AGK: variants seen among roughly 807,000 people sequenced by gnomAD.
AGK encodes acylglycerol kinase, mitochondrial.
Under a neutral mutation model 66.4 loss-of-function variants are expected in AGK, and 52 were observed. That is an observed-to-expected ratio of 0.78 (90% CI 0.63 to 0.99). The LOEUF (loss-of-function observed/expected upper bound fraction) is 0.99. AGK is among the 50% of genes least tolerant of loss of function. The pLI, the probability that AGK is intolerant of heterozygous loss-of-function variation, is 0.00. For missense variants in AGK, 451 were observed against 506.6 expected, an observed-to-expected ratio of 0.89 and a Z score of 1.05; for synonymous variants, 182 against 181.1, an observed-to-expected ratio of 1.00 and a Z score of -0.04.
chr7:141,629,274 C>G (rs1214200284), intron 9 of AGK, among the ~76,000 whole-genome samples: 1 of 152,128 alleles, frequency 6.6e-6, no homozygotes, highest in Non-Finnish European at 1.5e-5. Flanking sequence ...CCATTATTTT[C>G]TTCCACAAAC....
intron 13 of AGK, among the ~76,000 whole-genome samples, chr7:141,642,883 T>C (rs1005434766): frequency 6.6e-6 from 1 of 152,166 alleles, no homozygotes; most frequent in African/African-American, 2.4e-5. Flanking sequence ...ATGTTTATTA[T>C]CTGGTCACTT....
At chr7:141,579,973 C>T (rs530095433) in intron 2 of AGK, among the ~76,000 whole-genome samples, 2 of 151,936 alleles carry the variant, frequency 1.3e-5, no homozygotes, top group Non-Finnish European at 2.9e-5. Context: ...ACCTTATCAG[C>T]ATAAGTGTTG....
At chr7:141,568,071 T>C (rs1029351021) in intron 2 of AGK, among the ~76,000 whole-genome samples, 2 of 152,176 alleles carry the variant, frequency 1.3e-5, no homozygotes, top group African/African-American at 4.8e-5. Flanking sequence ...CTCAGCCCTG[T>C]GGAAGTTAAA....
intron 2 of AGK, among the ~76,000 whole-genome samples, chr7:141,586,507 G>GTGTGTGC (rs1795997715): frequency 6.6e-6 from 1 of 152,178 alleles, no homozygotes; most frequent in African/African-American, 2.4e-5. Context: ...CTATCTACGA[G>GTGTGTGC]TGTGTGCTGT....
chr7:141,633,992 C>T lies in AGK; in HGVS notation c.668+12C>T. ...GTCAAAGTTAGCAAGTAAAGGATTACTATATTGATGTGTGATGTTTTTTAA... is the reference window on the plus strand; with the variant it reads ...GTCAAAGTTAGCAAGTAAAGGATTATTATATTGATGTGTGATGTTTTTTAA... On this transcript the variant is annotated intron_variant, in intron 10 of 15. Coordinates refer to ENST00000649286, the MANE Select transcript of AGK (RefSeq NM_018238.4). 5 of 1,604,314 alleles carry T rather than the reference C, an allele frequency of 3.1e-6. No homozygotes were observed. Among genetic ancestry groups the T allele is most frequent in the Non-Finnish European group, 4.3e-6 (5 of 1,171,152 alleles).
At chr7:141,613,259 A>C (rs1335850809) in intron 6 of AGK, among the ~76,000 whole-genome samples, 1 of 152,172 alleles carries the variant, frequency 6.6e-6, no homozygotes, top group East Asian at 1.9e-4. Flanking sequence ...CAGTCATATA[A>C]AAATATGCAC....
At chr7:141,591,083 T>G (rs13222480) in intron 2 of AGK, among the ~76,000 whole-genome samples, 1 of 3,644 alleles carries the variant, frequency 2.7e-4, no homozygotes, top group Middle Eastern at 0.25. Context: ...TCTTAAGTTG[T>G]TTTTTTTTTT....
intron 14 of AGK, among the ~76,000 whole-genome samples, chr7:141,651,046 C>T (rs1188559555): frequency 6.6e-6 from 1 of 152,140 alleles, no homozygotes; most frequent in Non-Finnish European, 1.5e-5. Flanking sequence ...GAGTGGGACC[C>T]ACAGATAGGA....
rs1797280289 is a variant in AGK at position 141,641,250 on chromosome 7, G to A, written c.729G>A (p.Glu243=). The A allele has an allele frequency of 2.5e-6, 4 of 1,599,840 alleles. No homozygotes were observed. The East Asian group carries it at 8.9e-5, about 36-fold the overall frequency. ...TTTTTCTCTCTCCACATTAAAAGGA[G>A]TGGCCTCAGACTCATCAAGCCTCTA... ...KAAHFFSTLK[E]WPQTHQASIS... is the part of the protein sequence containing the mutation. Residue 243 remains glutamate (E), a splice_region_variant and synonymous_variant, in exon 12 of 16, where the codon GAG becomes GAA. Transcript: ENST00000649286.
In AGK at chr7:141,607,211, G is replaced by A. The variant is rs545888051; in HGVS notation, c.298-3984G>A. On this transcript the variant is annotated intron_variant, in intron 5 of 15. Transcript: ENST00000649286. Reference sequence around the variant, plus strand: ...TTGCTGGATAATATGATAAGACTATGTTTGGTTTTATCGGAAACTGCCGTT... The same window carrying A: ...TTGCTGGATAATATGATAAGACTATATTTGGTTTTATCGGAAACTGCCGTT... 3.3e-5 allele frequency among the ~76,000 whole-genome samples: 5 copies of A among 152,148 alleles called. No individual in the cohort carries two copies. In the South Asian group the frequency reaches 8.3e-4, roughly 25 times the overall value.
At chr7:141,566,910 G>A (rs1215917643) in intron 2 of AGK, among the ~76,000 whole-genome samples, 3 of 152,018 alleles carry the variant, frequency 2.0e-5, no homozygotes, top group Non-Finnish European at 2.9e-5. Flanking sequence ...CATTGACACC[G>A]TCCTCAGAAG....
intron 2 of AGK, among the ~76,000 whole-genome samples, chr7:141,587,869 C>T (rs928177651): frequency 6.6e-6 from 1 of 152,204 alleles, no homozygotes; most frequent in Non-Finnish European, 1.5e-5. Flanking sequence ...AGACACCCAG[C>T]ACAGTGCCTG....
chr7:141,614,060 T>C, intron 6 of AGK, 86 bp from the exon 7 acceptor site: 1 of 1,000,206 alleles, frequency 1.0e-6, no homozygotes, highest in Admixed American at 2.1e-5. Context: ...GGAGTAAGTT[T>C]ATGGTCTATG....
At position 141,614,193 on chromosome 7, in the gene AGK, G is replaced by A. The variant is rs1445986839; in HGVS notation, c.423+15G>A. 4.7e-6 allele frequency: 7 copies of A among 1,490,396 alleles called. No individual in the cohort carries two copies. The highest frequency in any genetic ancestry group is 5.4e-6 in the Non-Finnish European group (6 of 1,106,132). The allele number at this position is 1,490,396 out of a possible 1,614,324, so 92.3% of individuals were successfully genotyped here. On this transcript the variant is annotated intron_variant, in intron 7 of 15. Coordinates refer to ENST00000649286, the MANE Select transcript of AGK (RefSeq NM_018238.4). ...GAACAGATGAGGTGAGCATTAAAGA[G>A]TAATTGCATTTTAACTTTTATTTTT...
intron 7 of AGK, 144 bp downstream of exon 7, chr7:141,614,322 G>A: frequency 1.8e-6 from 1 of 560,132 alleles, no homozygotes; most frequent in Non-Finnish European, 3.0e-6. Flanking sequence ...AGAAAATACT[G>A]CTACCCATGT....
At chr7:141,604,409 T>TATAC (rs1554400887) in intron 5 of AGK, among the ~76,000 whole-genome samples, 3 of 138,736 alleles carry the variant, frequency 2.2e-5, no homozygotes, top group Admixed American at 7.2e-5. Flanking sequence ...TATATACACA[T>TATAC]ACATACACAC....
intron 7 of AGK, among the ~76,000 whole-genome samples, chr7:141,614,799 G>C (rs923923252): frequency 3.5e-4 from 53 of 151,862 alleles, no homozygotes; most frequent in Non-Finnish European, 8.8e-5. Context: ...AACATATGAA[G>C]CAAAAAGGTA....
chr7:141,626,652 C>G (rs1176263440), intron 9 of AGK, among the ~76,000 whole-genome samples: 1 of 152,064 alleles, frequency 6.6e-6, no homozygotes, highest in Non-Finnish European at 1.5e-5. Flanking sequence ...AAGAATTAGA[C>G]AAATCCAAAT....
chr7:141,552,729 TG>T (rs1412837109), intron 1 of AGK, among the ~76,000 whole-genome samples: 1 of 152,246 alleles, frequency 6.6e-6, no homozygotes, highest in Non-Finnish European at 1.5e-5. Context: ...AAGAATTGTT[TG>T]ACCTTCTTCT....
Sources: allele counts gnomAD v4.1 joint callset (sites outside exome capture counted in the v4.1 genomes callset), GRCh38; gene constraint gnomAD v4.1.1; transcripts MANE v1.5; gene names NCBI Gene and HGNC (gene_info 2026-07-23, HGNC 2026-07-21).